The following MGMT variants were observed in gnomAD, a reference collection of about 807,000 sequenced individuals.
MGMT encodes methylated-DNA--protein-cysteine methyltransferase.
MGMT carries 14 observed loss-of-function variants against 15.9 expected under a neutral mutation model. The observed-to-expected ratio is 0.88, with a 90% CI of 0.58 to 1.37. MGMT has a LOEUF of 1.37. Among genes scored for constraint, MGMT ranks in the 40% most tolerant of loss-of-function variants. MGMT has a pLI of 0.00. For missense variants in MGMT, 282 were observed against 268.1 expected (o/e 1.05, Z -0.36); for synonymous variants, 130 against 118.2 (o/e 1.10, Z -0.65).
intron 2 of MGMT, among the ~76,000 whole-genome samples, chr10:129,540,200 T>G (rs1285105883): frequency 6.6e-6 from 1 of 152,250 alleles, no homozygotes; most frequent in Non-Finnish European, 1.5e-5. Flanking sequence ...TTATTGCTGC[T>G]TGTGTTTAAC....
At position 129,565,031 on chromosome 10, in the gene MGMT, C is replaced by T. The variant is rs79001503; in HGVS notation, c.125+28654C>T. Among the ~76,000 whole-genome samples the T allele has an allele frequency of 6.0e-4, 91 of 152,284 alleles. No homozygotes were observed. In the East Asian group the frequency reaches 0.015, roughly 24 times the overall value. ...AGCCTTCATGAAAAAAGATGGAGGG[C>T]GCTTGACTTTGCGACACGCACATTC... is the stretch of plus-strand genomic sequence containing the variant. On this transcript the variant is annotated intron_variant, in intron 2 of 4. Coordinates refer to ENST00000651593, the MANE Select transcript of MGMT (RefSeq NM_002412.5).
intron 2 of MGMT, among the ~76,000 whole-genome samples, chr10:129,622,372 A>T (rs1421606621): frequency 1.3e-5 from 2 of 152,200 alleles, no homozygotes; most frequent in Non-Finnish European, 2.9e-5. Context: ...TATTCATCTC[A>T]AATTTGAAAT....
chr10:129,730,215 T>A (rs917580267), intron 3 of MGMT, among the ~76,000 whole-genome samples: 1 of 152,128 alleles, frequency 6.6e-6, no homozygotes, highest in African/African-American at 2.4e-5. Context: ...ATTGGCGCAT[T>A]GAGCATGAAA....
chr10:129,596,526 G>A (rs1435993398), intron 2 of MGMT, among the ~76,000 whole-genome samples: 3 of 152,128 alleles, frequency 2.0e-5, no homozygotes, highest in Non-Finnish European at 2.9e-5. Context: ...TGTGTGCACC[G>A]AGGAAGTTCC....
At chr10:129,752,709 A>C (rs1456174789) in intron 3 of MGMT, among the ~76,000 whole-genome samples, 2 of 152,094 alleles carry the variant, frequency 1.3e-5, no homozygotes, top group African/African-American at 4.8e-5. Context: ...TGGAATATAG[A>C]AATCTTATGA....
chr10:129,582,033 C>A (rs1354520276), intron 2 of MGMT, among the ~76,000 whole-genome samples: 1 of 152,162 alleles, frequency 6.6e-6, no homozygotes, highest in Non-Finnish European at 1.5e-5. Context: ...CCTCTGTGGG[C>A]GGACTGTCCC....
intron 1 of MGMT, among the ~76,000 whole-genome samples, chr10:129,492,537 G>A (rs1043855257): frequency 6.6e-6 from 1 of 152,194 alleles, no homozygotes; most frequent in Non-Finnish European, 1.5e-5. Context: ...CCATAGGATA[G>A]CAAATTGATT....
At chr10:129,603,021 C>A (rs943224939) in intron 2 of MGMT, among the ~76,000 whole-genome samples, 4 of 152,184 alleles carry the variant, frequency 2.6e-5, no homozygotes, top group Non-Finnish European at 5.9e-5. Flanking sequence ...ATGTCACAGT[C>A]TCTCCCAAAA....
At chr10:129,610,090 T>TTTGG (rs1205813707) in intron 2 of MGMT, among the ~76,000 whole-genome samples, 30 of 152,240 alleles carry the variant, frequency 2.0e-4, no homozygotes, top group Admixed American at 2.0e-3. Flanking sequence ...TGGAGTATGC[T>TTTGG]TTGGTCTATT....
rs560717173 is a variant in MGMT, at chr10:129,566,318, C to A, written c.125+29941C>A. Among the ~76,000 whole-genome samples, 1 of 152,192 alleles carries A rather than the reference C, an allele frequency of 6.6e-6. No individual in the cohort carries two copies. The highest frequency in any genetic ancestry group is 2.4e-5 in the African/African-American group (1 of 41,450). ...GAGGCAGAGCTCTGACTGTTTCATT[C>A]GACTACGTTGCCAAGGAGATGCTCG... On this transcript the variant is annotated intron_variant, in intron 2 of 4. Coordinates refer to ENST00000651593, the MANE Select transcript of MGMT (RefSeq NM_002412.5). The surrounding 1 kb of genome is among the most constrained non-coding windows in gnomAD (Gnocchi z 4.1).
chr10:129,615,385 C>T (rs1004226309), intron 2 of MGMT, among the ~76,000 whole-genome samples: 1 of 152,040 alleles, frequency 6.6e-6, no homozygotes, highest in Non-Finnish European at 1.5e-5. Flanking sequence ...GTGTTTTCCT[C>T]TTGGGTAGGG....
intron 2 of MGMT, among the ~76,000 whole-genome samples, chr10:129,658,334 A>G (rs1008073299): frequency 6.6e-6 from 1 of 152,208 alleles, no homozygotes; most frequent in African/African-American, 2.4e-5. Context: ...AAACAGACAC[A>G]GGGATTTGCT....
intron 2 of MGMT, among the ~76,000 whole-genome samples, chr10:129,574,422 A>T (rs1358047371): frequency 6.6e-6 from 1 of 152,236 alleles, no homozygotes; most frequent in Non-Finnish European, 1.5e-5. Flanking sequence ...CTTTCTGAGA[A>T]ACTTCATAAG....
At chr10:129,627,810 A>G (rs1037235756) in intron 2 of MGMT, among the ~76,000 whole-genome samples, 4 of 152,246 alleles carry the variant, frequency 2.6e-5, no homozygotes, top group African/African-American at 9.6e-5. Flanking sequence ...AGCTAGAAGA[A>G]AAATACAAAA....
At chr10:129,514,849 G>A (rs116192890) in intron 1 of MGMT, among the ~76,000 whole-genome samples, 351 of 152,316 alleles carry the variant, frequency 2.3e-3, no homozygotes, top group African/African-American at 8.1e-3. Flanking sequence ...TATGAGCCAC[G>A]CAGTCTATAG....
At chr10:129,558,083 G>A (rs1846235613) in intron 2 of MGMT, among the ~76,000 whole-genome samples, 2 of 152,172 alleles carry the variant, frequency 1.3e-5, no homozygotes, top group Admixed American at 1.3e-4. Flanking sequence ...CCACGTGTGC[G>A]TGAAGAGCCC....
In MGMT at chr10:129,502,057, C is replaced by T. The variant is rs191383621; in HGVS notation, c.-12-34184C>T. Among the ~76,000 whole-genome samples the T allele has an allele frequency of 2.5e-3, 385 of 152,306 alleles. 3 individuals carry two copies. Among genetic ancestry groups the T allele is most frequent in the South Asian group, 5.8e-3 (28 of 4,828 alleles). On this transcript the variant is annotated intron_variant, in intron 1 of 4. Coordinates refer to ENST00000651593, the MANE Select transcript of MGMT (RefSeq NM_002412.5). Reference sequence around the variant, plus strand: ...GCATCAAGCTTGCATGAATCAAGGCCGCTGCTGGGGCTAGCCCAGACCCGT... The same window carrying T: ...GCATCAAGCTTGCATGAATCAAGGCTGCTGCTGGGGCTAGCCCAGACCCGT...
chr10:129,743,127 G>T (rs1484871270), intron 3 of MGMT, among the ~76,000 whole-genome samples: 1 of 152,140 alleles, frequency 6.6e-6, no homozygotes, highest in African/African-American at 2.4e-5. Context: ...GAGCGGGGCG[G>T]GTCGTTACTG....
At chr10:129,508,612 C>G (rs896430517) in intron 1 of MGMT, among the ~76,000 whole-genome samples, 7 of 149,554 alleles carry the variant, frequency 4.7e-5, no homozygotes, top group Non-Finnish European at 7.4e-5. Context: ...GTGGTGCGAT[C>G]TTGGCTCACT....
Sources: gnomAD v4.1 joint callset for allele counts (sites outside exome capture counted in the v4.1 genomes callset) on GRCh38, gnomAD v4.1.1 for gene constraint, Gnocchi (gnomAD v3.1) non-coding constraint, MANE v1.5 for transcripts, NCBI Gene and HGNC (gene_info 2026-07-23, HGNC 2026-07-21) for gene names.